The following ATP7B variants were observed in gnomAD, a reference collection of about 807,000 sequenced individuals.
ATP7B encodes copper-transporting ATPase 2.
In ATP7B, 113 loss-of-function variants were observed where a neutral mutation model predicts 118.9. That is an observed-to-expected ratio of 0.95 (90% CI 0.82 to 1.11). The LOEUF is 1.11. Among genes scored for constraint, ATP7B ranks in the 50% most tolerant of loss-of-function variants. ATP7B has a pLI of 0.00. For synonymous variants in ATP7B, 777 were observed against 727.4 expected, an observed-to-expected ratio of 1.07 and a Z score of -1.10; for missense variants, 1,867 against 1,871.4, an observed-to-expected ratio of 1.00 and a Z score of 0.04.
In ATP7B at chr13:51,961,872, G is replaced by T. The variant is rs770640457; in HGVS notation, c.1911C>A (p.Asn637Lys). Reference sequence around the variant, plus strand: ...CCATCTTGTGGTCCAAGTGATGAGCGTTGGGGTTTCTCTGGGCCAGGGAAG... The same window carrying T: ...CCATCTTGTGGTCCAAGTGATGAGCTTTGGGGTTTCTCTGGGCCAGGGAAG... ...FHASLAQRNP[N>K]AHHLDHKMEI... The change falls in exon 6 of 21, where the codon AAC becomes AAA. Residue 637 changes from asparagine to lysine, a missense_variant. Asn to Lys is a moderately conservative substitution (Grantham distance 94). Coordinates refer to ENST00000242839, the MANE Select transcript of ATP7B (RefSeq NM_000053.4). 6.2e-7 allele frequency: 1 copy of T among 1,613,970 alleles called. No homozygotes were observed. Among genetic ancestry groups the T allele is most frequent in the Non-Finnish European group, 8.5e-7 (1 of 1,179,932 alleles).
intron 1 of ATP7B, among the ~76,000 whole-genome samples, chr13:52,002,014 C>T (rs538047005): frequency 5.5e-4 from 83 of 152,156 alleles, no homozygotes; most frequent in Non-Finnish European, 8.5e-4. Context: ...TCCAGGCTGG[C>T]CTCGAACTCC....
At chr13:52,000,779 G>C (rs1953457582) in intron 1 of ATP7B, among the ~76,000 whole-genome samples, 1 of 152,184 alleles carries the variant, frequency 6.6e-6, no homozygotes, top group Admixed American at 6.5e-5. Flanking sequence ...CCAGCACTTT[G>C]GAAGGCCAAG....
At chr13:51,939,998 GTCTTTTTTTTTTTTTT>G (rs1957226034) in intron 16 of ATP7B, among the ~76,000 whole-genome samples, 1 of 114,958 alleles carries the variant, frequency 8.7e-6, no homozygotes, top group Non-Finnish European at 1.7e-5. Context: ...AACACATGCA[GTCTTTTTTTTTTTTTT>G]TTTTTTTTTT....
chr13:51,935,526 G>T, intron 20 of ATP7B, 67 bp downstream of exon 20: 1 of 1,479,330 alleles, frequency 6.8e-7, no homozygotes, highest in East Asian at 2.3e-5. Flanking sequence ...GTTCCACTGT[G>T]CTAAGCATGC....
In ATP7B at chr13:51,937,271, C is replaced by G. The variant is rs766396641; in HGVS notation, c.4021+5G>C. The G allele has an allele frequency of 1.9e-6, 3 of 1,613,032 alleles. No homozygotes were observed. The highest frequency in any genetic ancestry group is 1.7e-6 in the Non-Finnish European group (2 of 1,178,968). The stretch of plus-strand genomic sequence containing the variant: ...GCTGGAGCACAGTGGGTAAGAGCTG[C>G]CTACCTGCTGCAATGGGTATCCCAA... On this transcript the variant is annotated splice_donor_5th_base_variant and intron_variant, in intron 19 of 20. Coordinates refer to ENST00000242839, the MANE Select transcript of ATP7B (RefSeq NM_000053.4).
intron 4 of ATP7B, among the ~76,000 whole-genome samples, chr13:51,967,881 G>A (rs1001609612): frequency 1.3e-5 from 2 of 152,222 alleles, no homozygotes; most frequent in Non-Finnish European, 2.9e-5. Context: ...GTGTTGGCAC[G>A]TAGACAGATG....
chr13:51,973,575 C>T (rs191763370), intron 2 of ATP7B, among the ~76,000 whole-genome samples: 2 of 152,308 alleles, frequency 1.3e-5, no homozygotes, highest in East Asian at 1.9e-4. Flanking sequence ...CCTGTGGCAC[C>T]GGAGTCCCCA....
chr13:51,964,108 A>AACACACACACACACAC (rs17334263), intron 5 of ATP7B, among the ~76,000 whole-genome samples: 343 of 145,734 alleles, frequency 2.4e-3, no homozygotes, highest in Non-Finnish European at 3.6e-3. Flanking sequence ...TCTCTCTTTA[A>AACACACACACACACAC]ACACACACAC....
At chr13:51,958,568 C>T (rs2139547477) in intron 7 of ATP7B, 24 bp from the exon 8 acceptor site, 2 of 1,604,692 alleles carry the variant, frequency 1.2e-6, no homozygotes. Context: ...ACAGTGAAGG[C>T]TGCCAGCAAG....
intron 15 of ATP7B, 72 bp downstream of exon 15, chr13:51,942,314 T>C: frequency 6.2e-7 from 1 of 1,603,770 alleles, no homozygotes. Context: ...CAATCACTGC[T>C]GGGCGTGGTG....
chr13:51,996,437 G>A (rs570928558), intron 1 of ATP7B, among the ~76,000 whole-genome samples: 1 of 152,274 alleles, frequency 6.6e-6, no homozygotes, highest in African/African-American at 2.4e-5. Flanking sequence ...CATCCCCCAT[G>A]GCAGGAACAG....
chr13:51,975,267 T>C (rs1381578804), intron 1 of ATP7B, 99 bp from the exon 2 acceptor site: 1 of 1,462,522 alleles, frequency 6.8e-7, no homozygotes, highest in Non-Finnish European at 9.6e-7. Context: ...ACAATGCCAC[T>C]GGTGTCAAAA....
chr13:51,965,207 A>G (rs767445899), intron 4 of ATP7B, among the ~76,000 whole-genome samples, 174 bp from the exon 5 acceptor site: 14 of 152,204 alleles, frequency 9.2e-5, no homozygotes, highest in Admixed American at 9.2e-4. Flanking sequence ...ACGTTCCTCC[A>G]GCGGCTTCAG....
intron 15 of ATP7B, 64 bp from the exon 16 acceptor site, chr13:51,941,288 C>A (rs1957317266): frequency 6.3e-7 from 1 of 1,588,698 alleles, no homozygotes; most frequent in East Asian, 2.2e-5. Context: ...AAAAACCATG[C>A]AATCCTTTTA....
chr13:51,999,007 A>G (rs1405073893), intron 1 of ATP7B, among the ~76,000 whole-genome samples: 1 of 152,192 alleles, frequency 6.6e-6, no homozygotes, highest in Admixed American at 6.5e-5. Flanking sequence ...AAAGCTGCAT[A>G]TGTTGGGTTC....
chr13:52,010,175 A>C (rs772208023), intron 1 of ATP7B, among the ~76,000 whole-genome samples: 9 of 152,094 alleles, frequency 5.9e-5, no homozygotes, highest in Non-Finnish European at 1.3e-4. Flanking sequence ...ACTCCTATCA[A>C]ATGCATAGTC....
chr13:51,972,636 T>C (rs1285177254), intron 2 of ATP7B, among the ~76,000 whole-genome samples: 1 of 152,166 alleles, frequency 6.6e-6, no homozygotes, highest in Non-Finnish European at 1.5e-5. Context: ...ATTGCCTCCA[T>C]GGACACTGTA....
At chr13:51,957,887 T>A in intron 8 of ATP7B, 1 of 491,436 alleles carries the variant, frequency 2.0e-6, no homozygotes, top group Non-Finnish European at 3.7e-6. Flanking sequence ...TCTTTTAGGT[T>A]CAATCTAATT....
intron 1 of ATP7B, among the ~76,000 whole-genome samples, chr13:51,995,485 GTCAC>G: frequency 6.6e-6 from 1 of 152,314 alleles, no homozygotes; most frequent in Non-Finnish European, 1.5e-5. Context: ...TCACATGTTG[GTCAC>G]TCAGAGTTGC....
Sources: allele counts gnomAD v4.1 joint callset (sites outside exome capture counted in the v4.1 genomes callset), GRCh38; gene constraint gnomAD v4.1.1; transcripts MANE v1.5; gene names NCBI Gene and HGNC (gene_info 2026-07-23, HGNC 2026-07-21).